MEF2B: variants seen among roughly 807,000 people sequenced by gnomAD.
MEF2B encodes the protein myocyte enhancer factor 2B, also known as myocyte-specific enhancer factor 2B.
A neutral mutation model predicts 32.2 loss-of-function variants in MEF2B; 15 were observed. That is an observed-to-expected ratio of 0.47 (90% CI 0.31 to 0.72). The LOEUF is 0.72. Ranked by LOEUF, MEF2B falls within the 30% of genes least tolerant of loss-of-function variation. The pLI is 0.05. For synonymous variants in MEF2B, 205 were observed against 225.6 expected, an observed-to-expected ratio of 0.91 and a Z score of 0.82; for missense variants, 441 against 511.5, an observed-to-expected ratio of 0.86 and a Z score of 1.33.
intron 1 of MEF2B, among the ~76,000 whole-genome samples, chr19:19,163,198 C>T (rs1275075442): frequency 6.6e-6 from 1 of 152,132 alleles, no homozygotes; most frequent in Admixed American, 6.5e-5. Flanking sequence ...TTCTGTCACC[C>T]GGGCTGGAGT....
At chr19:19,148,804 C>G (rs961466024) in intron 3 of MEF2B, among the ~76,000 whole-genome samples, 1 of 151,822 alleles carries the variant, frequency 6.6e-6, no homozygotes, top group Non-Finnish European at 1.5e-5. Flanking sequence ...CTCCGCCTCC[C>G]GGGTTCAAGC....
Position 19,150,033 on chromosome 19 carries a change from C to T in MEF2B, c.55-604G>A, listed in dbSNP as rs1358626302. Among the ~76,000 whole-genome samples the T allele has an allele frequency of 2.8e-5, 4 of 142,066 alleles. No individual in the cohort carries two copies. In the East Asian group the frequency reaches 6.2e-4, roughly 22 times the overall value. 93.2% of individuals were successfully genotyped at this position (142,066 alleles called of 152,430 possible). ...CCAGGAGGCGGAGCTTGCAGTGAGC[C>T]GAGATCGCTCCACTGCACTCCAGCC... On this transcript the variant is annotated intron_variant, in intron 2 of 8. Transcript: ENST00000424583.
chr19:19,163,957 C>CCA (rs1451402804), intron 1 of MEF2B, among the ~76,000 whole-genome samples: 1 of 152,096 alleles, frequency 6.6e-6, no homozygotes, highest in African/African-American at 2.4e-5. Flanking sequence ...AGGTGAGCCA[C>CCA]CACACCCAGC....
chr19:19,146,989 A>T (rs1294820898), intron 5 of MEF2B, 47 bp downstream of exon 5: 1 of 1,564,336 alleles, frequency 6.4e-7, no homozygotes, highest in South Asian at 1.2e-5. Context: ...AGATGCACCC[A>T]AACAGCCCCT....
Position 19,147,729 on chromosome 19 carries a change from C to A in MEF2B, c.362G>T (p.Gly121Val), listed in dbSNP as rs1416090923. The A allele has an allele frequency of 8.7e-6, 14 of 1,613,822 alleles. No homozygotes were observed. The highest frequency in any genetic ancestry group is 1.2e-5 in the Non-Finnish European group (14 of 1,179,884). The change falls in exon 4 of 9, where the codon GGT becomes GTT. Residue 121 changes from glycine (G) to valine (V), a missense_variant. Gly to Val is a moderately radical substitution (Grantham distance 109). Transcript: ENST00000424583. ...EKFRRLAGEG[G>V]DPALPRPRLY... ...CCGGGGTCGGGGCAAGGCCGGATCA[C>A]CCCCTTCGCCTGCCAGCCTCCGAAA...
chr19:19,157,483 C>T (rs901299856), intron 1 of MEF2B, among the ~76,000 whole-genome samples: 3 of 152,172 alleles, frequency 2.0e-5, no homozygotes, highest in East Asian at 1.9e-4. Flanking sequence ...TTGGCCAATT[C>T]GACGATCCCA....
intron 1 of MEF2B, among the ~76,000 whole-genome samples, chr19:19,160,777 G>A (rs1010621500): frequency 1.6e-4 from 25 of 152,078 alleles, no homozygotes; most frequent in East Asian, 3.9e-4. Context: ...CATTATGGGC[G>A]ACAGGAAGAG....
intron 1 of MEF2B, 144 bp from the exon 2 acceptor site, chr19:19,150,908 G>T: frequency 2.1e-6 from 2 of 969,952 alleles, no homozygotes; most frequent in Non-Finnish European, 3.1e-6. Flanking sequence ...GGTCACTGTC[G>T]CAGACCCCGC....
At chr19:19,160,453 G>A (rs1012115043) in intron 1 of MEF2B, among the ~76,000 whole-genome samples, 1 of 152,090 alleles carries the variant, frequency 6.6e-6, no homozygotes, top group Non-Finnish European at 1.5e-5. Context: ...TTGCAGAGGG[G>A]TTTAAGAGAA....
In MEF2B at chr19:19,167,266, G is replaced by A. The variant is rs745563563; in HGVS notation, c.-30+2939C>T. On this transcript the variant is annotated intron_variant, in intron 1 of 8. Coordinates refer to ENST00000424583, the MANE Select transcript of MEF2B (RefSeq NM_001145785.2). ...CTCAGGAGGCTAAGGCAGAAGAATC[G>A]CTTGAACCTGGGAGGTGGAGGTTGC... 6.0e-5 allele frequency among the ~76,000 whole-genome samples: 9 copies of A among 150,706 alleles called. No individual in the cohort carries two copies. The East Asian group carries it at 1.4e-3, about 23-fold the overall frequency.
intron 1 of MEF2B, among the ~76,000 whole-genome samples, chr19:19,152,899 C>G (rs2060094771): frequency 6.6e-6 from 1 of 152,192 alleles, no homozygotes; most frequent in South Asian, 2.1e-4. Flanking sequence ...TCTGAGCCCC[C>G]ACAACTATGT....
At chr19:19,148,562 C>A (rs2060046618) in intron 3 of MEF2B, among the ~76,000 whole-genome samples, 1 of 152,160 alleles carries the variant, frequency 6.6e-6, no homozygotes, top group South Asian at 2.1e-4. Flanking sequence ...CCAACCTCTT[C>A]TTTGCCAACT....
At chr19:19,167,312 C>T (rs2060216391) in intron 1 of MEF2B, among the ~76,000 whole-genome samples, 1 of 146,700 alleles carries the variant, frequency 6.8e-6, no homozygotes, top group African/African-American at 2.5e-5. Context: ...GATTGTGCCA[C>T]TGCACTCCAG....
intron 1 of MEF2B, among the ~76,000 whole-genome samples, chr19:19,166,587 C>A (rs2060210222): frequency 8.1e-6 from 1 of 122,930 alleles, no homozygotes; most frequent in Admixed American, 8.7e-5. Flanking sequence ...GAGACCCCCC[C>A]ATCTCCAATT....
At chr19:19,170,143 AC>A (rs1202487830) in intron 1 of MEF2B, 61 bp downstream of exon 1, 2 of 397,844 alleles carry the variant, frequency 5.0e-6, no homozygotes, top group African/African-American at 4.1e-5. Context: ...TCCAAAACCC[AC>A]CCAGCCCGCA....
At chr19:19,168,136 C>T (rs2060224012) in intron 1 of MEF2B, among the ~76,000 whole-genome samples, 1 of 152,212 alleles carries the variant, frequency 6.6e-6, no homozygotes, top group South Asian at 2.1e-4. Context: ...TTTTTTGTAT[C>T]CAGTTTCCTT....
chr19:19,147,033 C>T lies in MEF2B; in HGVS notation c.541+3G>A, dbSNP rs370463447. The T allele has an allele frequency of 5.5e-4, 871 of 1,597,650 alleles. 1 individual carries two copies. Among genetic ancestry groups the T allele is most frequent in the Non-Finnish European group, 7.0e-4 (824 of 1,173,034 alleles). ...CACCCCTGCCCCACTGTCCCATGCT[C>T]ACCTGGGGGCCCGGCTTTGGGGGCT... On this transcript the variant is annotated splice_donor_region_variant and intron_variant, in intron 5 of 8. Coordinates refer to ENST00000424583, the MANE Select transcript of MEF2B (RefSeq NM_001145785.2).
rs1385408330 is a variant in MEF2B, at chr19:19,147,801, C to T, written c.290G>A (p.Gly97Glu). The change falls in exon 4 of 9, where the codon GGG becomes GAG. Residue 97 changes from glycine (G) to glutamate (E), a missense_variant. Physicochemically the swap from Gly to Glu is moderately conservative, Grantham distance 98. Transcript: ENST00000424583. ...CCCTTCATCCGGCTCCAGCTCTGGC[C>T]CATCGAGGCCAATGCCCCTCCGCTT... ...TLKRRGIGLDGPELEPDEGPE... is the reference protein window; with the variant it reads ...TLKRRGIGLDEPELEPDEGPE... 1 of 1,613,642 alleles carries T rather than the reference C, an allele frequency of 6.2e-7. No individual in the cohort carries two copies. Among genetic ancestry groups the T allele is most frequent in the Non-Finnish European group, 8.5e-7 (1 of 1,179,950 alleles).
At chr19:19,146,416 G>T in intron 7 of MEF2B, 32 bp from the exon 8 acceptor site, 1 of 1,099,526 alleles carries the variant, frequency 9.1e-7, no homozygotes, top group Non-Finnish European at 1.3e-6. Flanking sequence ...CTGAGGCCTG[G>T]ACATCTCCTT....
Sources: gnomAD v4.1 joint callset for allele counts (sites outside exome capture counted in the v4.1 genomes callset) on GRCh38, gnomAD v4.1.1 for gene constraint, MANE v1.5 for transcripts, NCBI Gene and HGNC (gene_info 2026-07-23, HGNC 2026-07-21) for gene names.